TRIM9: variants seen among roughly 807,000 people sequenced by gnomAD.
TRIM9 encodes the protein tripartite motif containing 9.
Under a neutral mutation model 78.3 loss-of-function variants are expected in TRIM9, and 26 were observed. That is an observed-to-expected ratio of 0.33 (90% CI 0.24 to 0.46). The LOEUF (loss-of-function observed/expected upper bound fraction) is 0.46, where lower values mean the gene tolerates loss of function less well. TRIM9 is among the 20% of genes least tolerant of loss of function. The pLI, the probability that TRIM9 is intolerant of heterozygous loss-of-function variation, is 1.00. For missense variants in TRIM9, 787 were observed against 1,036.4 expected (o/e 0.76, Z 3.30); for synonymous variants, 398 against 416.5 (o/e 0.96, Z 0.54).
intron 1 of TRIM9, among the ~76,000 whole-genome samples, chr14:51,053,595 A>ATTTT (rs59227932): frequency 5.5e-4 from 45 of 82,110 alleles, no homozygotes; most frequent in African/African-American, 7.0e-4. Flanking sequence ...TTTTTTTTTA[A>ATTTT]TTTTTTTTTT....
At chr14:51,055,117 C>T (rs1425664485) in intron 1 of TRIM9, among the ~76,000 whole-genome samples, 9 of 152,012 alleles carry the variant, frequency 5.9e-5, no homozygotes, top group African/African-American at 1.7e-4. Flanking sequence ...CCACCGTGCC[C>T]GGCCCTTATA....
chr14:51,093,931 TC>T (rs1170742101), intron 1 of TRIM9, among the ~76,000 whole-genome samples, 186 bp downstream of exon 1: 1 of 151,860 alleles, frequency 6.6e-6, no homozygotes, highest in Non-Finnish European at 1.5e-5. Flanking sequence ...GGCATTCAAC[TC>T]CCCCGTGCGC....
In TRIM9 at chr14:51,040,129, C is replaced by G. The variant is rs550534024; in HGVS notation, c.823-14769G>C. Among the ~76,000 whole-genome samples, 20 of 152,232 alleles carry G rather than the reference C, an allele frequency of 1.3e-4. No individual in the cohort carries two copies. In the South Asian group the frequency reaches 3.1e-3, roughly 24 times the overall value. On this transcript the variant is annotated intron_variant, in intron 1 of 12. Transcript: ENST00000684578. ...GATAAAGTATATGCGGATAAAGTCT[C>G]TTTATTAAGACCTTAACTGTGCAAG...
intron 1 of TRIM9, among the ~76,000 whole-genome samples, chr14:51,050,418 A>T (rs182472700): frequency 6.6e-6 from 1 of 152,142 alleles, no homozygotes; most frequent in Non-Finnish European, 1.5e-5. Flanking sequence ...CATGTAAGAC[A>T]TGCCTTTCGC....
At chr14:51,015,505 CTTTTTT>C (rs369652663) in intron 3 of TRIM9, among the ~76,000 whole-genome samples, 4 of 61,330 alleles carry the variant, frequency 6.5e-5, no homozygotes, top group Admixed American at 4.5e-4. Context: ...CTTTACTTTT[CTTTTTT>C]TTTTTTTTTT....
chr14:51,069,614 G>C (rs1451210002), intron 1 of TRIM9, among the ~76,000 whole-genome samples: 2 of 152,232 alleles, frequency 1.3e-5, no homozygotes, highest in Non-Finnish European at 1.5e-5. Flanking sequence ...TCATGGCATT[G>C]TTGGTGTTTT....
intron 7 of TRIM9, among the ~76,000 whole-genome samples, chr14:50,988,084 G>C (rs1002917306): frequency 6.6e-6 from 1 of 152,132 alleles, no homozygotes; most frequent in Non-Finnish European, 1.5e-5. Flanking sequence ...TTACAGGCGT[G>C]AGCTACCACA....
chr14:51,014,604 A>G (rs1183064033), intron 3 of TRIM9, among the ~76,000 whole-genome samples: 1 of 152,222 alleles, frequency 6.6e-6, no homozygotes. Context: ...ACATTATAGA[A>G]ATCAGGCAGA....
intron 1 of TRIM9, among the ~76,000 whole-genome samples, chr14:51,035,061 G>T (rs566832169): frequency 6.6e-6 from 1 of 152,130 alleles, no homozygotes; most frequent in East Asian, 1.9e-4. Context: ...CAGATTTCAA[G>T]ATAGCAATAG....
At chr14:50,998,749 G>A (rs771702311) in intron 6 of TRIM9, among the ~76,000 whole-genome samples, 28 of 152,208 alleles carry the variant, frequency 1.8e-4, no homozygotes, top group Non-Finnish European at 2.6e-4. Flanking sequence ...AGGGAAGGGG[G>A]AGGAAACAGG....
intron 7 of TRIM9, among the ~76,000 whole-genome samples, chr14:50,987,903 T>G (rs2052933550): frequency 1.3e-5 from 2 of 152,152 alleles, no homozygotes; most frequent in Admixed American, 1.3e-4. Context: ...CTGGATCAAG[T>G]GATTCTTCAA....
At chr14:51,093,405 T>C (rs2064584371) in intron 1 of TRIM9, among the ~76,000 whole-genome samples, 1 of 152,248 alleles carries the variant, frequency 6.6e-6, no homozygotes, top group Non-Finnish European at 1.5e-5. Flanking sequence ...AGGCCGCGAC[T>C]GCGCAAACTC....
chr14:51,080,399 C>T (rs1350494929), intron 1 of TRIM9, among the ~76,000 whole-genome samples: 1 of 150,482 alleles, frequency 6.6e-6, no homozygotes, highest in Non-Finnish European at 1.5e-5. Context: ...GAAGAGTCCC[C>T]AGAAGGGAGA....
At chr14:50,982,388 A>C (rs1309066558) in intron 10 of TRIM9, 1 of 481,736 alleles carries the variant, frequency 2.1e-6, no homozygotes, top group African/African-American at 1.9e-5. Flanking sequence ...TGGAAGGTGC[A>C]AGTCCCTTCA....
chr14:51,030,473 C>A (rs2058629269), intron 1 of TRIM9, among the ~76,000 whole-genome samples: 1 of 152,162 alleles, frequency 6.6e-6, no homozygotes, highest in Non-Finnish European at 1.5e-5. Context: ...CTAAGCCCAG[C>A]AAAGGGCTGG....
intron 3 of TRIM9, among the ~76,000 whole-genome samples, chr14:51,018,255 TG>T (rs767953814): frequency 1.4e-4 from 21 of 152,162 alleles, no homozygotes; most frequent in Non-Finnish European, 2.6e-4. Flanking sequence ...TTAATTTTTT[TG>T]TGAGCTGGGA....
chr14:50,977,418 C>G, intron 12 of TRIM9, 65 bp from the exon 13 acceptor site: 2 of 1,269,252 alleles, frequency 1.6e-6, no homozygotes, highest in Middle Eastern at 2.0e-4. Context: ...ACACAGTGTA[C>G]CGTGGGTGTG....
chr14:51,063,650 C>T (rs1447205831), intron 1 of TRIM9, among the ~76,000 whole-genome samples: 1 of 150,980 alleles, frequency 6.6e-6, no homozygotes, highest in Non-Finnish European at 1.5e-5. Flanking sequence ...TGACTTCTCA[C>T]CAAAAACAAA....
chr14:51,086,694 G>A (rs886291861), intron 1 of TRIM9, among the ~76,000 whole-genome samples: 1 of 152,118 alleles, frequency 6.6e-6, no homozygotes, highest in Non-Finnish European at 1.5e-5. Context: ...AGATATGGAC[G>A]CTATGGAGGA....
Sources: gnomAD v4.1 joint callset for allele counts (sites outside exome capture counted in the v4.1 genomes callset) on GRCh38, gnomAD v4.1.1 for gene constraint, MANE v1.5 for transcripts, NCBI Gene and HGNC (gene_info 2026-07-23, HGNC 2026-07-21) for gene names.